Variants in PREX2 observed in about 807,000 individuals in gnomAD.
PREX2 encodes the protein phosphatidylinositol-3,4,5-trisphosphate dependent Rac exchange factor 2, also known as phosphatidylinositol 3,4,5-trisphosphate-dependent Rac exchanger 2 protein.
In PREX2, 107 loss-of-function variants were observed where a neutral mutation model predicts 203.2. The observed-to-expected ratio is 0.53, with a 90% confidence interval of 0.45 to 0.62. The LOEUF is 0.62. PREX2 is among the 20% of genes least tolerant of loss of function. The pLI is 0.00. For missense variants in PREX2, 1,777 were observed against 1,955.9 expected, an observed-to-expected ratio of 0.91 and a Z score of 1.72; for synonymous variants, 672 against 663.6, an observed-to-expected ratio of 1.01 and a Z score of -0.19.
chr8:68,153,191 G>A (rs752299768), intron 34 of PREX2, among the ~76,000 whole-genome samples: 1 of 152,222 alleles, frequency 6.6e-6, no homozygotes, highest in Non-Finnish European at 1.5e-5. Flanking sequence ...CATTTCTGGG[G>A]AATTCTAGCA....
chr8:68,125,328 G>T (rs899442922), intron 30 of PREX2, among the ~76,000 whole-genome samples: 9 of 152,160 alleles, frequency 5.9e-5, no homozygotes, highest in Non-Finnish European at 1.2e-4. Context: ...AGAATTTCTT[G>T]GTTTATATAA....
At chr8:68,218,390 C>A (rs1221608422) in intron 38 of PREX2, among the ~76,000 whole-genome samples, 1 of 152,134 alleles carries the variant, frequency 6.6e-6, no homozygotes, top group African/African-American at 2.4e-5. Context: ...CTCCAATTTA[C>A]TAATTACAAA....
At chr8:68,098,934 ATGTG>A (rs200753954) in intron 22 of PREX2, among the ~76,000 whole-genome samples, 24 of 106,180 alleles carry the variant, frequency 2.3e-4, no homozygotes, top group African/African-American at 9.4e-4. Context: ...CTACATATAT[ATGTG>A]TATATATATA....
chr8:68,219,917 A>G (rs1812921034), intron 38 of PREX2, among the ~76,000 whole-genome samples: 1 of 152,080 alleles, frequency 6.6e-6, no homozygotes. Context: ...CAATTACTTA[A>G]CCATTTAGAC....
At chr8:67,999,478 C>CAAAAA (rs58916146) in intron 1 of PREX2, among the ~76,000 whole-genome samples, 1,198 of 92,052 alleles carry the variant, frequency 0.013, 183 homozygotes, top group Middle Eastern at 0.045. Flanking sequence ...GCCAACAAAC[C>CAAAAA]AAAAAAAAAA....
At chr8:67,968,076 A>AT (rs1015386712) in intron 1 of PREX2, among the ~76,000 whole-genome samples, 1 of 151,398 alleles carries the variant, frequency 6.6e-6, no homozygotes, top group Non-Finnish European at 1.5e-5. Context: ...AGTATAAAAA[A>AT]AAAAAAAAGA....
intron 3 of PREX2, 75 bp downstream of exon 3, chr8:68,019,746 T>A (rs551108856): frequency 1.4e-6 from 2 of 1,398,234 alleles, no homozygotes; most frequent in East Asian, 2.3e-5. Flanking sequence ...CATAGTGGTA[T>A]GTGTGAATTC....
chr8:68,134,137 T>C lies in PREX2; in HGVS notation c.3845T>C (p.Leu1282Pro). ...ACTGTCTGTGCCTTCTCTGAGCAGCTCATGGCGGCCTTGAACCAGATGTTT... is the reference window on the plus strand; with the variant it reads ...ACTGTCTGTGCCTTCTCTGAGCAGCCCATGGCGGCCTTGAACCAGATGTTT... Reference protein sequence around the residue: ...VATVCAFSEQLMAALNQMFDN... With the variant: ...VATVCAFSEQPMAALNQMFDN... Residue 1282 changes from leucine (L) to proline (P), a missense_variant, in exon 32 of 40, where the codon CTC becomes CCC. Transcript: ENST00000288368. The C allele has an allele frequency of 1.2e-6, 2 of 1,614,134 alleles. No homozygotes were observed. The highest frequency in any genetic ancestry group is 1.7e-6 in the Non-Finnish European group (2 of 1,180,006).
Position 68,224,603 on chromosome 8 carries a change from C to G in PREX2, c.4752C>G (p.Asp1584Glu). The G allele has an allele frequency of 6.2e-7, 1 of 1,613,418 alleles. No individual in the cohort carries two copies. Among genetic ancestry groups the G allele is most frequent in the Non-Finnish European group, 8.5e-7 (1 of 1,179,592 alleles). Residue 1584 changes from aspartate to glutamate, a missense_variant, in exon 39 of 40, where the codon GAC becomes GAG. Physicochemically the swap from Asp to Glu is conservative, Grantham distance 45. Coordinates refer to ENST00000288368, the MANE Select transcript of PREX2 (RefSeq NM_024870.4). Reference sequence around the variant, plus strand: ...CAGCGAAGAATTTGGGAGTCAGAGACCGGACTCCACAGTCTGCACCAAGGT... The same window carrying G: ...CAGCGAAGAATTTGGGAGTCAGAGAGCGGACTCCACAGTCTGCACCAAGGT... ...QNTAKNLGVR[D>E]RTPQSAPRLY...
At chr8:68,204,916 C>A (rs1004794617) in intron 37 of PREX2, among the ~76,000 whole-genome samples, 1 of 151,664 alleles carries the variant, frequency 6.6e-6, no homozygotes, top group Admixed American at 6.6e-5. Flanking sequence ...CTCCTGACCT[C>A]GTGATCCGCC....
chr8:68,104,547 G>A (rs527343900), intron 23 of PREX2, among the ~76,000 whole-genome samples: 86 of 152,268 alleles, frequency 5.6e-4, no homozygotes, highest in African/African-American at 1.8e-3. Flanking sequence ...AGTGAGGCCT[G>A]TTCTGATCAT....
intron 35 of PREX2, among the ~76,000 whole-genome samples, chr8:68,163,389 G>A (rs1585838062): frequency 6.6e-6 from 1 of 152,144 alleles, no homozygotes; most frequent in Admixed American, 6.5e-5. Context: ...GATAGAAAAT[G>A]TAATATTTTT....
In PREX2 at chr8:68,217,670, A is replaced by G. The variant is rs755280855; in HGVS notation, c.4659A>G (p.Gly1553=). The G allele has an allele frequency of 3.1e-6, 5 of 1,614,008 alleles. No homozygotes were observed. Among genetic ancestry groups the G allele is most frequent in the Non-Finnish European group, 3.4e-6 (4 of 1,180,004 alleles). ...CCATCATTCTGGCCAGAAGCCACGG[A>G]CTGCCACCTCGTTACATCATGCAGG... The part of the protein sequence containing the change: ...EQAIILARSH[G]LPPRYIMQAT... Residue 1553 remains glycine, a synonymous_variant, in exon 38 of 40, where the codon GGA becomes GGG. Transcript: ENST00000288368.
At chr8:68,226,137 A>T (rs1190156848) in intron 39 of PREX2, among the ~76,000 whole-genome samples, 1 of 152,238 alleles carries the variant, frequency 6.6e-6, no homozygotes, top group African/African-American at 2.4e-5. Context: ...TAGGCCTGAG[A>T]GAGAAAGCAA....
At position 68,236,363 on chromosome 8, in the gene PREX2, G is replaced by T. The variant is rs1289820433; in HGVS notation, c.*4985G>T. The T allele has an allele frequency of 6.6e-6, 1 of 152,188 alleles. No homozygotes were observed. The highest frequency in any genetic ancestry group is 1.5e-5 in the Non-Finnish European group (1 of 68,012). The allele number at this position is 152,188 out of a possible 1,614,324, so 9.4% of individuals were successfully genotyped here. A position where few individuals can be genotyped will look rare whatever the true frequency, so the allele number is the denominator to read the frequency against. On this transcript the variant is annotated 3_prime_UTR_variant, in exon 40 of 40. Coordinates refer to ENST00000288368, the MANE Select transcript of PREX2 (RefSeq NM_024870.4). ...GCATTCATCCGAAAAATGTTTTTGA[G>T]AATTCACTTTGTGCAAGGCACAGCT...
At chr8:68,206,442 A>G (rs1231204922) in intron 37 of PREX2, among the ~76,000 whole-genome samples, 1 of 152,182 alleles carries the variant, frequency 6.6e-6, no homozygotes, top group Admixed American at 6.5e-5. Context: ...TAACCCCTGT[A>G]AGAGCTATTA....
chr8:68,005,562 T>C (rs1421558742), intron 1 of PREX2, among the ~76,000 whole-genome samples: 1 of 152,162 alleles, frequency 6.6e-6, no homozygotes, highest in Non-Finnish European at 1.5e-5. Context: ...AGTCTCTCCT[T>C]CCTTTGGGTC....
chr8:68,063,379 A>T (rs1585750596), intron 11 of PREX2, among the ~76,000 whole-genome samples: 1 of 152,262 alleles, frequency 6.6e-6, no homozygotes. Context: ...ATGTACACAA[A>T]AGTGGTGCAC....
intron 1 of PREX2, among the ~76,000 whole-genome samples, chr8:67,984,334 G>A (rs1017355320): frequency 1.3e-5 from 2 of 152,220 alleles, no homozygotes; most frequent in African/African-American, 4.8e-5. Flanking sequence ...AGCTAGCTCA[G>A]TGCCTGGCAC....
Sources: gnomAD v4.1 joint callset for allele counts (sites outside exome capture counted in the v4.1 genomes callset) on GRCh38, gnomAD v4.1.1 for gene constraint, MANE v1.5 for transcripts, NCBI Gene and HGNC (gene_info 2026-07-23, HGNC 2026-07-21) for gene names.